The following CNTN4 variants were observed in gnomAD, a reference collection of about 807,000 sequenced individuals.
CNTN4 encodes the protein contactin 4.
Under a neutral mutation model 122.5 loss-of-function variants are expected in CNTN4, and 77 were observed. The ratio of observed to expected loss-of-function variants is 0.63; its 90% CI spans 0.52 to 0.76. The LOEUF is 0.76. Ranked by LOEUF, CNTN4 falls within the 30% of genes least tolerant of loss-of-function variation. The pLI, the probability that CNTN4 is intolerant of heterozygous loss-of-function variation, is 0.00. For synonymous variants in CNTN4, 512 were observed against 447.0 expected (o/e 1.15, Z -1.83); for missense variants, 1,256 against 1,259.1 (o/e 1.00, Z 0.04).
chr3:2,726,058 GA>G (rs1013129606), intron 4 of CNTN4, among the ~76,000 whole-genome samples: 6 of 152,156 alleles, frequency 3.9e-5, no homozygotes, highest in African/African-American at 7.2e-5. Flanking sequence ...TTCCAGAGCT[GA>G]AACGATGCCA....
rs1324555799 is a variant in CNTN4, at chr3:2,883,113, C to A, written c.653-32C>A. The A allele has an allele frequency of 4.1e-6, 6 of 1,471,144 alleles. No individual in the cohort carries two copies. In the East Asian group the frequency reaches 1.1e-4, roughly 28 times the overall value. The allele number at this position is 1,471,144 out of a possible 1,614,324, so 91.1% of individuals were successfully genotyped here. On this transcript the variant is annotated intron_variant, in intron 8 of 24. Coordinates refer to ENST00000418658, the MANE Select transcript of CNTN4 (RefSeq NM_175607.3). ...TACATTTTATACATTTTAAAAGAAT[C>A]TCCAAGACTTAGCCCCTTTATTTAT...
intron 2 of CNTN4, among the ~76,000 whole-genome samples, chr3:2,223,278 C>G (rs184301202): frequency 3.3e-5 from 5 of 152,134 alleles, no homozygotes; most frequent in Admixed American, 6.5e-5. Flanking sequence ...GTGGTGGTAA[C>G]CAGTTTAATA....
At chr3:2,347,828 T>C (rs890675005) in intron 3 of CNTN4, among the ~76,000 whole-genome samples, 6 of 151,800 alleles carry the variant, frequency 4.0e-5, no homozygotes, top group Non-Finnish European at 8.8e-5. Flanking sequence ...CTTGTTTTAA[T>C]TTTTAGAAGC....
At chr3:2,904,574 C>G (rs2094209126) in intron 12 of CNTN4, among the ~76,000 whole-genome samples, 1 of 152,136 alleles carries the variant, frequency 6.6e-6, no homozygotes, top group Non-Finnish European at 1.5e-5. Context: ...TACTGGAATC[C>G]TAAACACACA....
chr3:2,391,109 C>A, intron 3 of CNTN4, among the ~76,000 whole-genome samples: 1 of 152,182 alleles, frequency 6.6e-6, no homozygotes, highest in East Asian at 1.9e-4. Context: ...CCCTGCTGCA[C>A]TACCTGTGGG....
At chr3:2,526,817 G>GA (rs1318968841) in intron 3 of CNTN4, among the ~76,000 whole-genome samples, 1 of 151,960 alleles carries the variant, frequency 6.6e-6, no homozygotes, top group African/African-American at 2.4e-5. Context: ...ATATTTTACT[G>GA]AAAAAAATTG....
chr3:2,681,664 A>G (rs1158817449), intron 4 of CNTN4, among the ~76,000 whole-genome samples: 1 of 152,116 alleles, frequency 6.6e-6, no homozygotes, highest in Non-Finnish European at 1.5e-5. Flanking sequence ...TATTCTGTAT[A>G]TATTTGTGTG....
At chr3:2,720,095 T>C (rs576814436) in intron 4 of CNTN4, among the ~76,000 whole-genome samples, 2 of 152,262 alleles carry the variant, frequency 1.3e-5, no homozygotes, top group African/African-American at 4.8e-5. Context: ...TAAGTGTGAC[T>C]AGGGTAAGTA....
rs554863269 is a variant in CNTN4, at chr3:2,728,363, G to A, written c.56-7852G>A. On this transcript the variant is annotated intron_variant, in intron 4 of 24. Transcript: ENST00000418658. ...GGAGGAGAAGGTTCACAGCCAGCAGGACACAGTGTGCCCTACGTGTGCCCT... is the reference window on the plus strand; with the variant it reads ...GGAGGAGAAGGTTCACAGCCAGCAGAACACAGTGTGCCCTACGTGTGCCCT... Among the ~76,000 whole-genome samples, 11 of 152,286 alleles carry A rather than the reference G, an allele frequency of 7.2e-5. No homozygotes were observed. In the South Asian group the frequency reaches 2.1e-3, roughly 29 times the overall value.
intron 3 of CNTN4, among the ~76,000 whole-genome samples, chr3:2,484,745 C>T (rs867209931): frequency 5.9e-5 from 9 of 152,210 alleles, no homozygotes; most frequent in South Asian, 4.1e-4. Context: ...GAGGTGACAG[C>T]GTGCTGGCAG....
chr3:2,670,213 T>C (rs1022142579), intron 4 of CNTN4, among the ~76,000 whole-genome samples: 2 of 152,182 alleles, frequency 1.3e-5, no homozygotes, highest in African/African-American at 4.8e-5. Context: ...CCCATTATTA[T>C]TGTGTGGGAG....
intron 13 of CNTN4, among the ~76,000 whole-genome samples, chr3:2,954,076 G>A (rs1006896961): frequency 4.6e-5 from 7 of 152,036 alleles, no homozygotes; most frequent in East Asian, 1.9e-4. Flanking sequence ...ATGCATAATC[G>A]TTTCCAAAAT....
At chr3:2,169,632 C>G (rs984494699) in intron 2 of CNTN4, among the ~76,000 whole-genome samples, 1 of 151,876 alleles carries the variant, frequency 6.6e-6, no homozygotes, top group Admixed American at 6.6e-5. Context: ...CTCCTGACCT[C>G]GTGATCCACC....
At chr3:2,724,671 C>T (rs1576577582) in intron 4 of CNTN4, among the ~76,000 whole-genome samples, 1 of 152,102 alleles carries the variant, frequency 6.6e-6, no homozygotes, top group African/African-American at 2.4e-5. Flanking sequence ...TGAGGAGCTG[C>T]GGTGCATATA....
chr3:2,763,248 G>C lies in CNTN4; in HGVS notation c.358+17551G>C, dbSNP rs888955404. ...GCGTAAGCCACCACACGCAGCTGAT[G>C]TTGAGCTTTTTTATATGACTGTTGG... On this transcript the variant is annotated intron_variant, in intron 6 of 24. Transcript: ENST00000418658. Among the ~76,000 whole-genome samples, 3 of 152,148 alleles carry C rather than the reference G, an allele frequency of 2.0e-5. No homozygotes were observed. In the East Asian group the frequency reaches 5.8e-4, roughly 29 times the overall value.
At chr3:2,854,352 A>T (rs1372950498) in intron 7 of CNTN4, among the ~76,000 whole-genome samples, 1 of 136,132 alleles carries the variant, frequency 7.3e-6, no homozygotes, top group African/African-American at 2.8e-5. Flanking sequence ...GGCTCATTGC[A>T]AACTTCACCT....
At chr3:2,333,059 C>G (rs947325521) in intron 2 of CNTN4, among the ~76,000 whole-genome samples, 2 of 152,142 alleles carry the variant, frequency 1.3e-5, no homozygotes, top group African/African-American at 4.8e-5. Flanking sequence ...TCTCTATCCT[C>G]TCCAATGAGC....
chr3:2,485,796 C>G (rs911970378), intron 3 of CNTN4, among the ~76,000 whole-genome samples: 1 of 152,088 alleles, frequency 6.6e-6, no homozygotes, highest in Non-Finnish European at 1.5e-5. Context: ...ACTTGGAGAA[C>G]TTTTGTGTCT....
intron 4 of CNTN4, among the ~76,000 whole-genome samples, chr3:2,642,146 A>G (rs1307031881): frequency 6.6e-6 from 1 of 152,212 alleles, no homozygotes; most frequent in African/African-American, 2.4e-5. Flanking sequence ...CCTCAAAAGT[A>G]GGGAAGCCGA....
Sources: gnomAD v4.1 joint callset for allele counts (sites outside exome capture counted in the v4.1 genomes callset) on GRCh38, gnomAD v4.1.1 for gene constraint, MANE v1.5 for transcripts, NCBI Gene and HGNC (gene_info 2026-07-23, HGNC 2026-07-21) for gene names.